The following ZNF431 variants were observed in gnomAD, a reference collection of about 807,000 sequenced individuals.
ZNF431 encodes zinc finger protein 431.
Under a neutral mutation model 57.0 loss-of-function variants are expected in ZNF431, and 34 were observed. That is an observed-to-expected ratio of 0.60 (90% CI 0.45 to 0.79). The LOEUF (loss-of-function observed/expected upper bound fraction) is 0.79, where lower values mean the gene tolerates loss of function less well. ZNF431 is among the 30% of genes least tolerant of loss of function. The pLI is 0.00. For missense variants in ZNF431, 607 were observed against 667.1 expected (o/e 0.91, Z 0.99); for synonymous variants, 207 against 220.3 (o/e 0.94, Z 0.54).
At chr19:21,171,233 A>G (rs1970878907) in intron 4 of ZNF431, among the ~76,000 whole-genome samples, 2 of 152,218 alleles carry the variant, frequency 1.3e-5, no homozygotes, top group Admixed American at 1.3e-4. Flanking sequence ...CATACAGTGC[A>G]TGCCAATGAT....
intron 4 of ZNF431, chr19:21,169,691 G>A: frequency 2.5e-6 from 1 of 397,570 alleles, no homozygotes; most frequent in Non-Finnish European, 4.4e-6. Flanking sequence ...TACCAGGGCA[G>A]ATTTCTGCAG....
intron 2 of ZNF431, chr19:21,162,820 G>C (rs1970612934): frequency 1.1e-6 from 1 of 912,702 alleles, no homozygotes; most frequent in Admixed American, 6.2e-5. Flanking sequence ...TAAAACCAGT[G>C]CTTACAGAAA....
chr19:21,155,878 T>C (rs1883349263), intron 2 of ZNF431, among the ~76,000 whole-genome samples: 1 of 152,130 alleles, frequency 6.6e-6, no homozygotes. Context: ...AATGGGAGGC[T>C]CTTCTCTCCT....
At position 21,184,078 on chromosome 19, in the gene ZNF431, G is replaced by T. The variant is rs113594182; in HGVS notation, c.*44G>T. 2.7e-5 allele frequency: 40 copies of T among 1,500,170 alleles called. No homozygotes were observed. The highest frequency in any genetic ancestry group is 2.7e-5 in the Non-Finnish European group (30 of 1,125,374). The allele number at this position is 1,500,170 out of a possible 1,614,324, so 92.9% of individuals were successfully genotyped here. On this transcript the variant is annotated 3_prime_UTR_variant, in exon 5 of 5. Coordinates refer to ENST00000311048, the MANE Select transcript of ZNF431 (RefSeq NM_133473.4). ...TAAGCATTAAATATTGGCCGGGTGC[G>T]GTGGCTTATGCAAAATGGCTCCCAG...
At chr19:21,150,512 C>T (rs1599577920) in intron 2 of ZNF431, 2 of 174,164 alleles carry the variant, frequency 1.1e-5, no homozygotes, top group South Asian at 1.5e-4. Context: ...AGCCCAGGGC[C>T]AGGAAAGCAT....
chr19:21,182,360 C>T (rs907091466), intron 4 of ZNF431, among the ~76,000 whole-genome samples: 1 of 152,162 alleles, frequency 6.6e-6, no homozygotes, highest in African/African-American at 2.4e-5. Flanking sequence ...ACAGACTTTT[C>T]TTTTTCTTCT....
At chr19:21,180,375 G>A (rs1051729109) in intron 4 of ZNF431, among the ~76,000 whole-genome samples, 3 of 152,132 alleles carry the variant, frequency 2.0e-5, no homozygotes, top group Non-Finnish European at 2.9e-5. Context: ...AGGCCTGGTG[G>A]TGATGTGCTC....
rs781434710 is a variant in ZNF431 at position 21,183,867 on chromosome 19, A to C, written c.1564A>C (p.Asn522His). 1.9e-6 allele frequency: 3 copies of C among 1,613,984 alleles called. No homozygotes were observed. Among genetic ancestry groups the C allele is most frequent in the Non-Finnish European group, 2.5e-6 (3 of 1,179,866 alleles). The part of the protein sequence containing the change: ...YKCEECGKAF[N>H]QSSTLTKHRK... ...ATGTGAAGAATGTGGTAAAGCCTTT[A>C]ACCAATCCTCAACTCTTACTAAACA... The change falls in exon 5 of 5, where the codon AAC becomes CAC. Residue 522 changes from asparagine (N) to histidine (H), a missense_variant. By Grantham distance (68) the Asn-to-His change is moderately conservative. Coordinates refer to ENST00000311048, the MANE Select transcript of ZNF431 (RefSeq NM_133473.4).
intron 2 of ZNF431, among the ~76,000 whole-genome samples, chr19:21,156,652 A>G (rs1164377594): frequency 6.7e-6 from 1 of 149,094 alleles, no homozygotes; most frequent in Non-Finnish European, 1.5e-5. Context: ...TCTAAGGATA[A>G]TGGTCTCCAG....
chr19:21,186,893 G>A lies in ZNF431; in HGVS notation c.*2859G>A, dbSNP rs939740391. 6.6e-6 allele frequency: 1 copy of A among 152,034 alleles called. No individual in the cohort carries two copies. 9.4% of individuals were successfully genotyped at this position (152,034 alleles called of 1,614,324 possible). On this transcript the variant is annotated 3_prime_UTR_variant, in exon 5 of 5. Transcript: ENST00000311048. Reference sequence around the variant, plus strand: ...GAGAACAATATATAGGTTTTCTTTAGTGATTTGTTCCTTTCACTTTTTATA... The same window carrying A: ...GAGAACAATATATAGGTTTTCTTTAATGATTTGTTCCTTTCACTTTTTATA...
intron 2 of ZNF431, among the ~76,000 whole-genome samples, chr19:21,145,942 C>T (rs1044671911): frequency 2.0e-5 from 3 of 152,024 alleles, no homozygotes; most frequent in Non-Finnish European, 4.4e-5. Flanking sequence ...TTAGACGAGA[C>T]ATAAAATAAG....
intron 4 of ZNF431, among the ~76,000 whole-genome samples, chr19:21,174,008 C>G (rs1970979625): frequency 6.7e-6 from 1 of 148,532 alleles, no homozygotes; most frequent in African/African-American, 2.5e-5. Context: ...TGCAATGGTG[C>G]AATCTCGACG....
chr19:21,156,798 T>C (rs1970428981), intron 2 of ZNF431, among the ~76,000 whole-genome samples: 1 of 152,140 alleles, frequency 6.6e-6, no homozygotes, highest in Non-Finnish European at 1.5e-5. Flanking sequence ...ATTTGGAGAC[T>C]GTGTTTCACT....
At position 21,189,878 on chromosome 19, in the gene ZNF431, G is replaced by C; in HGVS notation, c.*5844G>C. 2.5e-6 allele frequency: 1 copy of C among 398,054 alleles called. No homozygotes were observed. Among genetic ancestry groups the C allele is most frequent in the Non-Finnish European group, 4.4e-6 (1 of 226,016 alleles). The allele number at this position is 398,054 out of a possible 1,614,324, so 24.7% of individuals were successfully genotyped here. ...TTTTTTTTTAAGGCCAGGAGTGGTG[G>C]CTCACACCTGTAATCCCAGCTCTGG... On this transcript the variant is annotated 3_prime_UTR_variant, in exon 5 of 5. Transcript: ENST00000311048.
At chr19:21,176,077 C>T (rs1971043384) in intron 4 of ZNF431, among the ~76,000 whole-genome samples, 1 of 152,146 alleles carries the variant, frequency 6.6e-6, no homozygotes. Flanking sequence ...CCATAGCCTC[C>T]CCACCATCTG....
chr19:21,170,083 A>T (rs1015294649), intron 4 of ZNF431, among the ~76,000 whole-genome samples: 1 of 151,878 alleles, frequency 6.6e-6, no homozygotes, highest in Non-Finnish European at 1.5e-5. Context: ...CCACACGAAT[A>T]AGTGCCTGTC....
chr19:21,145,300 C>T (rs1167285174), intron 2 of ZNF431, among the ~76,000 whole-genome samples: 1 of 152,122 alleles, frequency 6.6e-6, no homozygotes, highest in Non-Finnish European at 1.5e-5. Flanking sequence ...ACGGTGAAAG[C>T]CCGTCTCTAC....
At chr19:21,182,426 C>G (rs1157800550) in intron 4 of ZNF431, among the ~76,000 whole-genome samples, 197 bp from the exon 5 acceptor site, 1 of 152,126 alleles carries the variant, frequency 6.6e-6, no homozygotes, top group African/African-American at 2.4e-5. Context: ...ACTTTACACA[C>G]TTGTTTATAA....
At chr19:21,153,792 C>A (rs146557577) in intron 2 of ZNF431, among the ~76,000 whole-genome samples, 1 of 152,178 alleles carries the variant, frequency 6.6e-6, no homozygotes, top group African/African-American at 2.4e-5. Flanking sequence ...TCTTGGCTCA[C>A]CGCAACCTCT....
Sources: gnomAD v4.1 joint callset for allele counts (sites outside exome capture counted in the v4.1 genomes callset) on GRCh38, gnomAD v4.1.1 for gene constraint, MANE v1.5 for transcripts, NCBI Gene and HGNC (gene_info 2026-07-23, HGNC 2026-07-21) for gene names.